GSG1L: variants seen among roughly 807,000 people sequenced by gnomAD.
The protein encoded by GSG1L is germ cell-specific gene 1-like protein.
A neutral mutation model predicts 42.1 loss-of-function variants in GSG1L; 24 were observed. The observed-to-expected ratio is 0.57, with a 90% CI of 0.41 to 0.80. The LOEUF (loss-of-function observed/expected upper bound fraction) is 0.80, where lower values mean the gene tolerates loss of function less well. Ranked by LOEUF, GSG1L falls within the 30% of genes least tolerant of loss-of-function variation. The pLI is 0.00. For synonymous variants in GSG1L, 215 were observed against 203.5 expected (o/e 1.06, Z -0.48); for missense variants, 445 against 472.2 (o/e 0.94, Z 0.53).
At chr16:27,863,359 G>GA (rs957142067) in intron 3 of GSG1L, 3 of 152,086 alleles carry the variant, frequency 2.0e-5, no homozygotes, top group Non-Finnish European at 4.4e-5. Context: ...ATTTTTACAA[G>GA]AAAAAAATTC....
In GSG1L at chr16:27,991,980, C is replaced by T. The variant is rs574083175; in HGVS notation, c.350-28777G>A. On this transcript the variant is annotated intron_variant, in intron 1 of 6. Transcript: ENST00000447459. ...TCAGGGCAGGTTTCCAGGGGTGGAG[C>T]GTAAGAAAACAGCCTGTTGCATGGC... Among the ~76,000 whole-genome samples, 6 of 152,140 alleles carry T rather than the reference C, an allele frequency of 3.9e-5. No individual in the cohort carries two copies. The East Asian group carries it at 7.7e-4, about 20-fold the overall frequency.
chr16:27,872,856 C>T (rs974098623), intron 3 of GSG1L, among the ~76,000 whole-genome samples: 1 of 152,188 alleles, frequency 6.6e-6, no homozygotes, highest in Non-Finnish European at 1.5e-5. Context: ...GAATTGCCCA[C>T]CCCTTTCCCA....
chr16:27,872,100 C>G (rs1309832951), intron 3 of GSG1L, among the ~76,000 whole-genome samples: 1 of 152,216 alleles, frequency 6.6e-6, no homozygotes, highest in Non-Finnish European at 1.5e-5. Flanking sequence ...GAATGCCATG[C>G]ATATGAGCTC....
rs2082736546 is a variant in GSG1L at position 27,790,190 on chromosome 16, G to GGGTGGATAATAGATGATGAATT, written c.*1179_*1180insAATTCATCATCTATTATCCACC. 6.6e-6 allele frequency: 1 copy of GGGTGGATAATAGATGATGAATT among 151,816 alleles called. No individual in the cohort carries two copies. The highest frequency in any genetic ancestry group is 1.5e-5 in the Non-Finnish European group (1 of 67,976). 9.4% of individuals were successfully genotyped at this position (151,816 alleles called of 1,614,324 possible). A position where few individuals can be genotyped will look rare whatever the true frequency, so the allele number is the denominator to read the frequency against. ...GATGGATGGATAATAGATGATGAAT[G>GGGTGGATAATAGATGATGAATT]GGTGGATAATAGATGGACGAATGAT... is the stretch of plus-strand genomic sequence containing the variant. On this transcript the variant is annotated 3_prime_UTR_variant, in exon 7 of 7. Coordinates refer to ENST00000447459, the MANE Select transcript of GSG1L (RefSeq NM_001109763.2).
At chr16:27,901,901 G>T (rs1468556093) in intron 2 of GSG1L, among the ~76,000 whole-genome samples, 1 of 152,164 alleles carries the variant, frequency 6.6e-6, no homozygotes, top group African/African-American at 2.4e-5. Flanking sequence ...CCACCTCAGG[G>T]CCTTTGCACT....
At chr16:28,000,752 C>G (rs1217050102) in intron 1 of GSG1L, among the ~76,000 whole-genome samples, 1 of 152,136 alleles carries the variant, frequency 6.6e-6, no homozygotes, top group Non-Finnish European at 1.5e-5. Context: ...GGAAGAAATA[C>G]TGCTCCTTCC....
chr16:27,979,208 A>G (rs7206304), intron 1 of GSG1L, among the ~76,000 whole-genome samples: 72,035 of 151,810 alleles, frequency 0.47, 17,697 homozygotes, highest in South Asian at 0.6. Context: ...CAGCTACTAC[A>G]GAGGCTGAGA....
chr16:27,950,582 G>C (rs941285791), intron 2 of GSG1L, among the ~76,000 whole-genome samples: 6 of 151,980 alleles, frequency 3.9e-5, no homozygotes, highest in African/African-American at 1.5e-4. Flanking sequence ...GCGTCTCGAG[G>C]GATGGCTGAG....
At chr16:27,923,943 C>T (rs2084561090) in intron 2 of GSG1L, among the ~76,000 whole-genome samples, 1 of 152,054 alleles carries the variant, frequency 6.6e-6, no homozygotes, top group African/African-American at 2.4e-5. Context: ...CACACACTTG[C>T]TCTGTGACTT....
chr16:27,850,132 G>T (rs571612430), intron 3 of GSG1L, among the ~76,000 whole-genome samples: 1 of 136,908 alleles, frequency 7.3e-6, no homozygotes, highest in East Asian at 2.3e-4. Context: ...GGGTTCAAGT[G>T]ATTCTCCTGC....
intron 2 of GSG1L, among the ~76,000 whole-genome samples, chr16:27,950,108 A>G (rs2084934767): frequency 6.6e-6 from 1 of 152,066 alleles, no homozygotes. Context: ...TCACTGCCCA[A>G]CCCTACGCCA....
At chr16:27,921,835 C>T (rs951522403) in intron 2 of GSG1L, among the ~76,000 whole-genome samples, 2 of 152,116 alleles carry the variant, frequency 1.3e-5, no homozygotes, top group South Asian at 2.1e-4. Flanking sequence ...TACCTGTGAC[C>T]CACTATTGTT....
At chr16:28,009,333 C>T (rs2085686693) in intron 1 of GSG1L, among the ~76,000 whole-genome samples, 2 of 152,110 alleles carry the variant, frequency 1.3e-5, no homozygotes, top group Admixed American at 6.5e-5. Context: ...CTCAAAGTGG[C>T]CTTCCTGACC....
chr16:27,894,401 A>G (rs1251856872), intron 2 of GSG1L, among the ~76,000 whole-genome samples: 1 of 152,236 alleles, frequency 6.6e-6, no homozygotes, highest in Non-Finnish European at 1.5e-5. Flanking sequence ...CTTTATGAGG[A>G]TCAGAGGGGA....
At chr16:28,058,235 G>C (rs2048536787) in intron 1 of GSG1L, among the ~76,000 whole-genome samples, 1 of 152,132 alleles carries the variant, frequency 6.6e-6, no homozygotes, top group African/African-American at 2.4e-5. Context: ...GTGTGACCTT[G>C]GGCAACTCAC....
At chr16:27,980,293 CA>C (rs1334092322) in intron 1 of GSG1L, among the ~76,000 whole-genome samples, 1 of 152,170 alleles carries the variant, frequency 6.6e-6, no homozygotes, top group African/African-American at 2.4e-5. Context: ...AGGAGCCCAG[CA>C]TCCTTGGCTG....
intron 1 of GSG1L, among the ~76,000 whole-genome samples, chr16:27,992,014 C>T (rs905642812): frequency 4.6e-5 from 7 of 152,122 alleles, no homozygotes; most frequent in East Asian, 1.9e-4. Flanking sequence ...GCAAGAGCGA[C>T]GCCATCTGGA....
intron 6 of GSG1L, among the ~76,000 whole-genome samples, chr16:27,806,895 C>G (rs1411541605): frequency 6.6e-6 from 1 of 152,160 alleles, no homozygotes; most frequent in Non-Finnish European, 1.5e-5. Flanking sequence ...GCATGAAAAG[C>G]CCTTAGTACA....
In GSG1L at chr16:27,888,415, TC is replaced by T. The variant is rs796228471; in HGVS notation, c.398-3778del. On this transcript the variant is annotated intron_variant, in intron 2 of 6. Transcript: ENST00000447459. ...TTTCTTTTCTCCTTCTTTCTTTCTT[TC>T]TTTCTTTCTTTCTTTCTTTCTTTCT... Among the ~76,000 whole-genome samples the T allele has an allele frequency of 7.4e-4, 13 of 17,480 alleles. 1 individual carries two copies. In the East Asian group the frequency reaches 0.014, roughly 19 times the overall value. The allele number at this position is 17,480 out of a possible 152,430, so 11.5% of individuals were successfully genotyped here.
Sources: allele counts gnomAD v4.1 joint callset (sites outside exome capture counted in the v4.1 genomes callset), GRCh38; gene constraint gnomAD v4.1.1; transcripts MANE v1.5; gene names NCBI Gene and HGNC (gene_info 2026-07-23, HGNC 2026-07-21).